Variants in CWC25 observed in about 807,000 individuals in gnomAD.
CWC25 encodes pre-mRNA-splicing factor CWC25 homolog.
CWC25 carries 31 observed loss-of-function variants against 54.6 expected under a neutral mutation model. The observed-to-expected ratio is 0.57, with a 90% CI of 0.43 to 0.77. CWC25 has a LOEUF of 0.77. Ranked by LOEUF, CWC25 falls within the 30% of genes least tolerant of loss-of-function variation. The pLI, the probability that CWC25 is intolerant of heterozygous loss-of-function variation, is 0.00. For synonymous variants in CWC25, 151 were observed against 187.0 expected, an observed-to-expected ratio of 0.81 and a Z score of 1.57; for missense variants, 453 against 529.3, an observed-to-expected ratio of 0.86 and a Z score of 1.41.
chr17:38,820,583 T>C (rs561475474), intron 2 of CWC25, among the ~76,000 whole-genome samples: 6 of 152,104 alleles, frequency 3.9e-5, no homozygotes, highest in African/African-American at 1.4e-4. Context: ...AGAGCAACCA[T>C]CCTCCATCAC....
intron 7 of CWC25, 113 bp downstream of exon 7, chr17:38,806,652 G>T: frequency 2.0e-6 from 2 of 1,004,698 alleles, no homozygotes; most frequent in Non-Finnish European, 2.8e-6. Context: ...AAATACCAAA[G>T]CAAAGACATT....
At chr17:38,811,558 A>C (rs996214669) in intron 4 of CWC25, among the ~76,000 whole-genome samples, 20 of 151,862 alleles carry the variant, frequency 1.3e-4, no homozygotes, top group African/African-American at 4.4e-4. Context: ...AAAAAAAAAA[A>C]AAAGATTACT....
intron 5 of CWC25, 123 bp downstream of exon 5, chr17:38,810,345 T>C (rs1260102428): frequency 4.9e-6 from 5 of 1,030,634 alleles, no homozygotes; most frequent in African/African-American, 1.6e-5. Flanking sequence ...TGTTCAAGTG[T>C]TCATCACTGA....
At chr17:38,822,057 C>T (rs752197495) in intron 1 of CWC25, among the ~76,000 whole-genome samples, 2 of 151,918 alleles carry the variant, frequency 1.3e-5, no homozygotes, top group Non-Finnish European at 2.9e-5. Flanking sequence ...GGTGAGCCAC[C>T]GTGCCCAGCC....
chr17:38,802,935 G>A (rs1360980281), intron 8 of CWC25, 74 bp from the exon 9 acceptor site: 4 of 1,568,534 alleles, frequency 2.6e-6, no homozygotes, highest in Non-Finnish European at 3.5e-6. Flanking sequence ...AAGCACAGAA[G>A]CCAGGTGGGA....
At chr17:38,805,284 CAAAG>C (rs1396358117) in intron 8 of CWC25, among the ~76,000 whole-genome samples, 2 of 151,592 alleles carry the variant, frequency 1.3e-5, no homozygotes, top group Non-Finnish European at 2.9e-5. Context: ...CCAAAAAAAA[CAAAG>C]AAAGAAAAAA....
intron 3 of CWC25, among the ~76,000 whole-genome samples, chr17:38,813,147 CA>C (rs112194664): frequency 0.039 from 5,123 of 130,252 alleles, 263 homozygotes; most frequent in African/African-American, 0.13. Flanking sequence ...ACTCTGTCTC[CA>C]AAAAAAAAAA....
At chr17:38,810,753 T>C (rs1207539517) in intron 4 of CWC25, among the ~76,000 whole-genome samples, 158 bp from the exon 5 acceptor site, 1 of 151,352 alleles carries the variant, frequency 6.6e-6, no homozygotes, top group African/African-American at 2.4e-5. Context: ...CAAAACCCCA[T>C]CTCTACTAAA....
intron 2 of CWC25, among the ~76,000 whole-genome samples, chr17:38,816,001 G>T (rs1911682786): frequency 6.6e-6 from 1 of 152,134 alleles, no homozygotes; most frequent in African/African-American, 2.4e-5. Flanking sequence ...AATAAACCCT[G>T]GTCTCAGCCA....
intron 9 of CWC25, 82 bp from the exon 10 acceptor site, chr17:38,802,288 T>G: frequency 1.1e-6 from 1 of 935,314 alleles, no homozygotes; most frequent in Non-Finnish European, 1.7e-6. Context: ...AGAAATGGGT[T>G]GTTAGCCATA....
intron 2 of CWC25, among the ~76,000 whole-genome samples, chr17:38,818,588 C>CAAAAAA (rs56382375): frequency 2.1e-5 from 1 of 48,484 alleles, no homozygotes; most frequent in Non-Finnish European, 3.4e-5. Context: ...GACTCCATCT[C>CAAAAAA]AAAAAAAAAA....
At chr17:38,813,840 G>A (rs1011135284) in intron 3 of CWC25, among the ~76,000 whole-genome samples, 3 of 151,532 alleles carry the variant, frequency 2.0e-5, no homozygotes, top group African/African-American at 4.8e-5. Context: ...CACCGTACCC[G>A]GCTGTCAGTT....
chr17:38,821,114 G>C, intron 1 of CWC25, 41 bp from the exon 2 acceptor site: 1 of 1,588,226 alleles, frequency 6.3e-7, no homozygotes, highest in Non-Finnish European at 8.6e-7. Flanking sequence ...TTCGGGGGGT[G>C]ACTGAGTGGT....
In CWC25 at chr17:38,814,976, C is replaced by T; in HGVS notation, c.313G>A (p.Ala105Thr). ...YVFEKMEEKE[A>T]GCSSETGLLP... ...AGTCCTGTTTCAGAAGAGCAGCCTG[C>T]CTCCTTCTCCTCCATCTTCTCAAAA... is the stretch of plus-strand genomic sequence containing the variant. The change falls in exon 3 of 10, where the codon GCA becomes ACA. Residue 105 changes from alanine to threonine, a missense_variant. Physicochemically the swap from Ala to Thr is moderately conservative, Grantham distance 58. This residue lies in a region of CWC25 where 444 missense variants were observed against 499.2 expected (regional missense o/e 0.89). Coordinates refer to ENST00000614790, the MANE Select transcript of CWC25 (RefSeq NM_017748.5). 1 of 1,613,428 alleles carries T rather than the reference C, an allele frequency of 6.2e-7. No individual in the cohort carries two copies. The highest frequency in any genetic ancestry group is 8.5e-7 in the Non-Finnish European group (1 of 1,179,618).
At chr17:38,823,579 G>C (rs963044881) in intron 1 of CWC25, among the ~76,000 whole-genome samples, 5 of 152,022 alleles carry the variant, frequency 3.3e-5, no homozygotes, top group African/African-American at 1.2e-4. Flanking sequence ...CGGTCAATGA[G>C]AGCTCCCTTT....
At position 38,820,921 on chromosome 17, in the gene CWC25, C is replaced by G. The variant is rs372500873; in HGVS notation, c.171G>C (p.Ala57=). 25 of 1,612,376 alleles carry G rather than the reference C, an allele frequency of 1.6e-5. No individual in the cohort carries two copies. In the African/African-American group the frequency reaches 3.2e-4, roughly 21 times the overall value. ...CTTACTTGACGGCCCCAACATCCTC[C>G]GCATAGCGCTGCATCTCTTCCCGGG... The part of the protein sequence containing the change: ...ERAREEMQRY[A]EDVGAVKKKE... Residue 57 remains alanine (A), a synonymous_variant, in exon 2 of 10, where the codon GCG becomes GCC. Coordinates refer to ENST00000614790, the MANE Select transcript of CWC25 (RefSeq NM_017748.5).
chr17:38,823,308 C>T (rs1382111550), intron 1 of CWC25, among the ~76,000 whole-genome samples: 4 of 151,262 alleles, frequency 2.6e-5, no homozygotes, highest in African/African-American at 9.7e-5. Flanking sequence ...TACAGGCGCC[C>T]GCCACTGCTC....
chr17:38,818,820 T>A (rs1312106486), intron 2 of CWC25, among the ~76,000 whole-genome samples: 1 of 152,016 alleles, frequency 6.6e-6, no homozygotes, highest in African/African-American at 2.4e-5. Context: ...TCTGCAACAA[T>A]GCTGGCTCCT....
At chr17:38,805,583 G>C (rs1268496146) in intron 8 of CWC25, among the ~76,000 whole-genome samples, 1 of 151,998 alleles carries the variant, frequency 6.6e-6, no homozygotes, top group African/African-American at 2.4e-5. Flanking sequence ...CAAACTGCTG[G>C]GATTACAGGT....
Sources: gnomAD v4.1 joint callset for allele counts (sites outside exome capture counted in the v4.1 genomes callset) on GRCh38, gnomAD v4.1.1 for gene constraint, gnomAD v4.1.1 regional missense constraint, MANE v1.5 for transcripts, NCBI Gene and HGNC (gene_info 2026-07-23, HGNC 2026-07-21) for gene names.